Variants in AK9 observed in about 807,000 individuals in gnomAD.
AK9 encodes adenylate kinase domain containing 1.
A neutral mutation model predicts 239.6 loss-of-function variants in AK9; 191 were observed. The ratio of observed to expected loss-of-function variants is 0.80; its 90% confidence interval spans 0.71 to 0.90. The LOEUF (loss-of-function observed/expected upper bound fraction) is 0.90, where lower values mean the gene tolerates loss of function less well. Among genes scored for constraint, AK9 ranks in the 40% least tolerant of loss-of-function variants. AK9 has a pLI of 0.00. For missense variants in AK9, 1,995 were observed against 2,214.7 expected, an observed-to-expected ratio of 0.90 and a Z score of 1.99; for synonymous variants, 689 against 721.0, an observed-to-expected ratio of 0.96 and a Z score of 0.71.
chr6:109,604,028 G>T (rs950087107), intron 17 of AK9, among the ~76,000 whole-genome samples: 4 of 152,136 alleles, frequency 2.6e-5, no homozygotes, highest in African/African-American at 7.2e-5. Flanking sequence ...CCCAGGTGAG[G>T]TGATGCTTCA....
At chr6:109,665,560 C>T (rs1163461842) in intron 5 of AK9, among the ~76,000 whole-genome samples, 5 of 152,276 alleles carry the variant, frequency 3.3e-5, no homozygotes, top group South Asian at 2.1e-4. Context: ...TGATTAACAA[C>T]ATGTTTGAAC....
Position 109,614,183 on chromosome 6 carries a change from C to T in AK9, c.1609G>A (p.Asp537Asn), listed in dbSNP as rs1281394889. The T allele has an allele frequency of 6.5e-7, 1 of 1,549,830 alleles. No homozygotes were observed. Among genetic ancestry groups the T allele is most frequent in the South Asian group, 1.2e-5 (1 of 83,982 alleles). The change falls in exon 15 of 41, where the codon GAT becomes AAT. Residue 537 changes from aspartate (D) to asparagine (N), a missense_variant and splice_region_variant. Asp to Asn is a conservative substitution (Grantham distance 23, BLOSUM62 1). Around this residue, in one of 5 missense-constraint regions of AK9, gnomAD observed 1,290 missense variants for 1,392.7 expected, o/e 0.93. Transcript: ENST00000424296. ...HDQAAKVDKD[D>N]GKETGETFTF... ...TGGGATTAGCAGTTCACTTTGTTAC[C>T]ATCTTTATCAACTTTAGCAGCTTGA...
Position 109,609,462 on chromosome 6 carries a change from G to A in AK9, c.1842+903C>T, listed in dbSNP as rs73519235. Reference sequence around the variant, plus strand: ...GTGTTTAATTCATCTTCAGATTCCTGGTATCTAACATGGTATAGGGCAGAT... The same window carrying A: ...GTGTTTAATTCATCTTCAGATTCCTAGTATCTAACATGGTATAGGGCAGAT... On this transcript the variant is annotated intron_variant, in intron 17 of 40. Coordinates refer to ENST00000424296, the MANE Select transcript of AK9 (RefSeq NM_001145128.3). Among the ~76,000 whole-genome samples the A allele has an allele frequency of 9.7e-4, 147 of 152,204 alleles. 2 individuals are homozygous for A. The highest frequency in any genetic ancestry group is 3.4e-3 in the African/African-American group (142 of 41,526).
chr6:109,563,748 TA>T lies in AK9; in HGVS notation c.2636-37del, dbSNP rs746243133. On this transcript the variant is annotated intron_variant, in intron 23 of 40. Coordinates refer to ENST00000424296, the MANE Select transcript of AK9 (RefSeq NM_001145128.3). ...AGAGAATCATTGGGGAAAATATTTT[TA>T]GTAAAAAAGGTTATTAGCATATTAC... The T allele has an allele frequency of 3.3e-6, 5 of 1,531,194 alleles. No individual in the cohort carries two copies. In the African/African-American group the frequency reaches 6.9e-5, roughly 21 times the overall value. The allele number at this position is 1,531,194 out of a possible 1,614,324, so 94.9% of individuals were successfully genotyped here.
intron 12 of AK9, among the ~76,000 whole-genome samples, chr6:109,621,472 G>C (rs1794804674): frequency 3.7e-5 from 1 of 27,336 alleles, no homozygotes; most frequent in Non-Finnish European, 6.9e-5. Context: ...ATTCACAATA[G>C]CAAAGACTTG....
intron 21 of AK9, among the ~76,000 whole-genome samples, chr6:109,567,001 A>G (rs1475357369): frequency 6.6e-6 from 1 of 152,212 alleles, no homozygotes; most frequent in Admixed American, 6.5e-5. Flanking sequence ...TTGACACCCT[A>G]TCATCACAAT....
In AK9 at chr6:109,499,222, T is replaced by C; in HGVS notation, c.4868A>G (p.Asp1623Gly). 6.5e-7 allele frequency: 1 copy of C among 1,529,904 alleles called. No individual in the cohort carries two copies. Among genetic ancestry groups the C allele is most frequent in the South Asian group, 1.3e-5 (1 of 78,392 alleles). The allele number at this position is 1,529,904 out of a possible 1,614,324, so 94.8% of individuals were successfully genotyped here. ...CTCTTGAGGTGTGATACATAACTTG[T>C]CAATGCAGGCAGCTTTTCCTATTAT... ...RIKAGKAACI[D>G]KLCITPQELL... is the part of the protein sequence containing the mutation. The change falls in exon 36 of 41, where the codon GAC becomes GGC. Residue 1623 changes from aspartate (D) to glycine (G), a missense_variant. Asp to Gly is a moderately conservative substitution (Grantham distance 94). Transcript: ENST00000424296.
At chr6:109,644,558 T>A (rs764583653) in intron 9 of AK9, 56 bp downstream of exon 9, 1 of 1,428,012 alleles carries the variant, frequency 7.0e-7, no homozygotes, top group Non-Finnish European at 9.6e-7. Context: ...TACAATACTG[T>A]CAATAGATTT....
chr6:109,631,067 G>A (rs1796046910), intron 12 of AK9, among the ~76,000 whole-genome samples: 1 of 152,054 alleles, frequency 6.6e-6, no homozygotes, highest in Admixed American at 6.6e-5. Context: ...ATCTAAATGT[G>A]AAAGTCAAAA....
intron 10 of AK9, among the ~76,000 whole-genome samples, chr6:109,639,430 G>T (rs963114860): frequency 6.6e-6 from 1 of 152,134 alleles, no homozygotes; most frequent in African/African-American, 2.4e-5. Flanking sequence ...TCATATGTCC[G>T]TTGGCTGCAT....
At chr6:109,510,452 C>A (rs1056333177) in intron 32 of AK9, among the ~76,000 whole-genome samples, 3 of 152,076 alleles carry the variant, frequency 2.0e-5, no homozygotes, top group African/African-American at 7.2e-5. Flanking sequence ...CAGAGAGGAA[C>A]TACCCTCTCT....
intron 29 of AK9, among the ~76,000 whole-genome samples, chr6:109,517,118 C>A (rs529793448): frequency 9.9e-4 from 151 of 152,206 alleles, no homozygotes; most frequent in African/African-American, 3.5e-3. Flanking sequence ...AGTTTTCTGC[C>A]TGGCTCCTGG....
intron 13 of AK9, 94 bp from the exon 14 acceptor site, chr6:109,614,574 A>G: frequency 1.0e-6 from 1 of 991,128 alleles, no homozygotes; most frequent in Non-Finnish European, 1.6e-6. Flanking sequence ...AGTTAGACAC[A>G]GTTGAGTTTC....
At chr6:109,662,693 T>C (rs1461015541) in intron 5 of AK9, 30 bp from the exon 6 acceptor site, 3 of 1,269,140 alleles carry the variant, frequency 2.4e-6, no homozygotes, top group Non-Finnish European at 3.1e-6. Flanking sequence ...TTTAAAACTT[T>C]TATAAAATTA....
chr6:109,633,414 T>C (rs906335679), intron 10 of AK9, 91 bp from the exon 11 acceptor site: 4 of 1,316,636 alleles, frequency 3.0e-6, no homozygotes, highest in Middle Eastern at 5.4e-4. Flanking sequence ...TTTATAGTGC[T>C]TTACTATTTA....
At chr6:109,606,253 A>AATAG (rs57376541) in intron 17 of AK9, among the ~76,000 whole-genome samples, 10,054 of 148,184 alleles carry the variant, frequency 0.068, 344 homozygotes, top group East Asian at 0.096. Flanking sequence ...ATCACTTGTG[A>AATAG]ATAGATAGAT....
intron 10 of AK9, among the ~76,000 whole-genome samples, chr6:109,637,484 T>C (rs1296948966): frequency 2.0e-5 from 3 of 152,178 alleles, no homozygotes; most frequent in South Asian, 4.1e-4. Flanking sequence ...ATTACAGGCA[T>C]AAGCCACCAT....
intron 27 of AK9, among the ~76,000 whole-genome samples, chr6:109,538,411 G>C (rs1246490131): frequency 6.6e-6 from 1 of 152,144 alleles, no homozygotes; most frequent in Non-Finnish European, 1.5e-5. Flanking sequence ...TGTTTTATCA[G>C]AGACTAGGAT....
intron 12 of AK9, among the ~76,000 whole-genome samples, chr6:109,626,470 T>C (rs1182037938): frequency 6.6e-6 from 1 of 152,200 alleles, no homozygotes; most frequent in Non-Finnish European, 1.5e-5. Flanking sequence ...TTTTGTTCTA[T>C]CAGGCAGTTC....
Sources: allele counts gnomAD v4.1 joint callset (sites outside exome capture counted in the v4.1 genomes callset), GRCh38; gene constraint gnomAD v4.1.1; regional missense constraint gnomAD v4.1.1; transcripts MANE v1.5; gene names NCBI Gene and HGNC (gene_info 2026-07-23, HGNC 2026-07-21).